The following ANK3 variants were observed in gnomAD, a reference collection of about 807,000 sequenced individuals.
The protein encoded by ANK3 is ankyrin-3.
Under a neutral mutation model 370.9 loss-of-function variants are expected in ANK3, and 57 were observed. The ratio of observed to expected loss-of-function variants is 0.15; its 90% CI spans 0.12 to 0.19. The LOEUF (loss-of-function observed/expected upper bound fraction) is 0.19. Ranked by LOEUF, ANK3 falls within the 10% of genes least tolerant of loss-of-function variation. The pLI, the probability that ANK3 is intolerant of heterozygous loss-of-function variation, is 1.00. For synonymous variants in ANK3, 1,929 were observed against 1,946.3 expected (o/e 0.99, Z 0.23); for missense variants, 4,439 against 5,302.1 (o/e 0.84, Z 5.06).
chr10:60,449,671 T>C (rs1381010452), intron 2 of ANK3, among the ~76,000 whole-genome samples: 1 of 152,222 alleles, frequency 6.6e-6, no homozygotes, highest in Non-Finnish European at 1.5e-5. Flanking sequence ...TAATCATACC[T>C]GCTTTCACAG....
upstream of ANK3, among the ~76,000 whole-genome samples, chr10:60,393,480 A>G (rs1045587275): frequency 6.6e-6 from 1 of 152,220 alleles, no homozygotes; most frequent in African/African-American, 2.4e-5. Flanking sequence ...CAATAAAAAT[A>G]TCTTTCCATG....
intron 1 of ANK3, among the ~76,000 whole-genome samples, chr10:60,281,739 T>A (rs974142065): frequency 1.8e-4 from 27 of 151,870 alleles, no homozygotes; most frequent in African/African-American, 5.6e-4. Context: ...GCAGCAGCAG[T>A]TTAAGTTGAG....
At chr10:60,200,490 AG>A (rs1448454365) in intron 12 of ANK3, among the ~76,000 whole-genome samples, 2 of 152,116 alleles carry the variant, frequency 1.3e-5, no homozygotes, top group Non-Finnish European at 2.9e-5. Context: ...GGCCTCCCTC[AG>A]GGCTGGAAAG....
chr10:60,548,939 C>G (rs1022228160), intron 2 of ANK3, among the ~76,000 whole-genome samples: 3 of 152,016 alleles, frequency 2.0e-5, no homozygotes, highest in Non-Finnish European at 4.4e-5. Context: ...CAACTTGATA[C>G]CAAAATCCAA....
intron 35 of ANK3, 152 bp from the exon 36 acceptor site, chr10:60,080,770 C>T: frequency 1.4e-6 from 1 of 718,266 alleles, no homozygotes; most frequent in South Asian, 1.9e-5. Flanking sequence ...AACCCCACCC[C>T]CCATGTCTTA....
Position 60,091,768 on chromosome 10 carries a change from A to G in ANK3, c.3329-3410T>C, listed in dbSNP as rs536962724. ...TTTTTTTGAGACGGAGTCTCGCTCT[A>G]TCGCTAGGCTGGAGTGCAGTGGCAC... is the stretch of plus-strand genomic sequence containing the variant. On this transcript the variant is annotated intron_variant, in intron 28 of 43. Transcript: ENST00000280772. Among the ~76,000 whole-genome samples, 33 of 148,524 alleles carry G rather than the reference A, an allele frequency of 2.2e-4. No individual in the cohort carries two copies. The South Asian group carries it at 7.0e-3, about 32-fold the overall frequency.
chr10:60,071,836 T>C lies in ANK3; in HGVS notation c.9045A>G (p.Glu3015=), dbSNP rs961550491. 1 of 1,613,100 alleles carries C rather than the reference T, an allele frequency of 6.2e-7. No homozygotes were observed. The highest frequency in any genetic ancestry group is 8.5e-7 in the Non-Finnish European group (1 of 1,179,498). ...TGCTGATTTCTGAATAGGTAACTTT[T>C]TCATCTTCTATAGAATTAAAGTGCT... ...ETQHFNSIED[E]KVTYSEISKV... The change falls in exon 37 of 44, where the codon GAA becomes GAG. Residue 3015 remains glutamate, a synonymous_variant. Coordinates refer to ENST00000280772, the MANE Select transcript of ANK3 (RefSeq NM_020987.5).
chr10:60,266,251 T>C (rs2097877305), intron 5 of ANK3, among the ~76,000 whole-genome samples: 1 of 152,192 alleles, frequency 6.6e-6, no homozygotes, highest in Admixed American at 6.5e-5. Context: ...TCAATGTAAA[T>C]ATATATTTTC....
chr10:60,663,995 A>T (rs16912946), intron 1 of ANK3, among the ~76,000 whole-genome samples: 6,236 of 152,308 alleles, frequency 0.041, 162 homozygotes, highest in Middle Eastern at 0.075. Context: ...TCTTCCTCTT[A>T]TTGCATCCTG....
intron 2 of ANK3, among the ~76,000 whole-genome samples, chr10:60,582,065 C>T (rs1447304542): frequency 6.6e-6 from 1 of 151,766 alleles, no homozygotes; most frequent in Non-Finnish European, 1.5e-5. Context: ...AGTGGGAGTT[C>T]AACAATGAGA....
chr10:60,262,947 T>C (rs1430410302), intron 6 of ANK3, among the ~76,000 whole-genome samples: 21 of 152,152 alleles, frequency 1.4e-4, no homozygotes, highest in Non-Finnish European at 2.8e-4. Flanking sequence ...GTAATCAAAC[T>C]ACTGCTATCT....
In ANK3 at chr10:60,208,121, G is replaced by A. The variant is rs200375830; in HGVS notation, c.1109C>T (p.Ala370Val). 235 of 1,614,022 alleles carry A rather than the reference G, an allele frequency of 1.5e-4. No homozygotes were observed. Among genetic ancestry groups the A allele is most frequent in the Non-Finnish European group, 3.7e-5 (44 of 1,180,000 alleles). ...VDDVTNDYLT[A>V]LHVAAHCGHY... is the part of the protein sequence containing the mutation. ...GCCACAGTGGGCAGCCACGTGTAGG[G>A]CAGTCAGGTAGTCATTGGTGACATC... The change falls in exon 10 of 44, where the codon GCC (alanine) becomes GTC (valine). Residue 370 changes from alanine (A) to valine (V), a missense_variant. Ala to Val is a moderately conservative substitution (Grantham distance 64, BLOSUM62 0). Transcript: ENST00000280772.
At chr10:60,307,473 C>A (rs1180138422) in intron 1 of ANK3, among the ~76,000 whole-genome samples, 1 of 152,004 alleles carries the variant, frequency 6.6e-6, no homozygotes, top group African/African-American at 2.4e-5. Context: ...GCTGGGAATA[C>A]AGGTGTGTGC....
rs1236003556 is a variant in ANK3, at chr10:60,536,629, G to A, written c.96+78557C>T. On this transcript the variant is annotated intron_variant, in intron 2 of 43. Transcript: ENST00000373827. ...TCCTTTTTCAGGGATCTTCTCATAC[G>A]ACTTCAAGAAAAGGTGAATCACATA... 4.6e-5 allele frequency among the ~76,000 whole-genome samples: 7 copies of A among 151,772 alleles called. No individual in the cohort carries two copies. The East Asian group carries it at 7.8e-4, about 17-fold the overall frequency.
intron 35 of ANK3, chr10:60,081,486 G>C (rs1051071592): frequency 2.3e-5 from 10 of 437,708 alleles, no homozygotes; most frequent in Non-Finnish European, 4.5e-5. Context: ...ATATAACTTA[G>C]AGAAACATTA....
chr10:60,352,359 C>T (rs1045554042), intron 1 of ANK3, among the ~76,000 whole-genome samples: 3 of 152,154 alleles, frequency 2.0e-5, no homozygotes, highest in African/African-American at 7.2e-5. Context: ...ATAATAAAGT[C>T]CTTGCTGAAG....
intron 1 of ANK3, among the ~76,000 whole-genome samples, chr10:60,706,145 T>C (rs1295739716): frequency 6.6e-6 from 1 of 152,212 alleles, no homozygotes; most frequent in Non-Finnish European, 1.5e-5. Context: ...CTAAAGGTTC[T>C]TATTTTCTGA....
chr10:60,356,868 C>T (rs894861974), intron 1 of ANK3, among the ~76,000 whole-genome samples: 2 of 152,138 alleles, frequency 1.3e-5, no homozygotes, highest in African/African-American at 4.8e-5. Context: ...ACCACCACGC[C>T]TGGCTAATTT....
intron 1 of ANK3, among the ~76,000 whole-genome samples, chr10:60,376,287 A>C (rs139618785): frequency 1.6e-3 from 239 of 152,320 alleles, no homozygotes; most frequent in African/African-American, 5.5e-3. Flanking sequence ...TTAATAATTT[A>C]GTTTCCACTA....
Sources: gnomAD v4.1 joint callset for allele counts (sites outside exome capture counted in the v4.1 genomes callset) on GRCh38, gnomAD v4.1.1 for gene constraint, MANE v1.5 for transcripts, NCBI Gene and HGNC (gene_info 2026-07-23, HGNC 2026-07-21) for gene names.